The following KDM2B variants were observed in gnomAD, a reference collection of about 807,000 sequenced individuals.
The protein encoded by KDM2B is lysine-specific demethylase 2B.
In KDM2B, 26 loss-of-function variants were observed where a neutral mutation model predicts 150.0. That is an observed-to-expected ratio of 0.17 (90% CI 0.13 to 0.24). KDM2B has a LOEUF of 0.24. Ranked by LOEUF, KDM2B falls within the 10% of genes least tolerant of loss-of-function variation. The probability of loss-of-function intolerance (pLI) is 1.00; values close to 1 mark genes in which losing one functional copy is unlikely to be tolerated. For missense variants in KDM2B, 1,265 were observed against 1,816.9 expected (o/e 0.70, Z 5.52); for synonymous variants, 734 against 729.5 (o/e 1.01, Z -0.10).
the KDM2B span, chr12:121,423,584 T>A: frequency 1.9e-6 from 3 of 1,610,390 alleles, no homozygotes; most frequent in Non-Finnish European, 8.5e-7. This position sits in a 1 kb window ranked among gnomAD's most constrained non-coding sequence, Gnocchi z 4.3. Context: ...TGAAACAGGC[T>A]CCCCTCACCA....
intron 12 of KDM2B, among the ~76,000 whole-genome samples, chr12:121,492,574 C>T (rs1465836287): frequency 6.6e-6 from 1 of 151,896 alleles, no homozygotes; most frequent in Non-Finnish European, 1.5e-5. Context: ...TCTCAAAGTA[C>T]TGGGATTACA....
In KDM2B at chr12:121,503,468, C is replaced by CTTTTG. The variant is rs151275311; in HGVS notation, c.1647+6094_1647+6098dup. Among the ~76,000 whole-genome samples the CTTTTG allele has an allele frequency of 1.6e-4, 24 of 151,784 alleles. No homozygotes were observed. The South Asian group carries it at 2.1e-3, about 13-fold the overall frequency. On this transcript the variant is annotated intron_variant, in intron 11 of 22. Transcript: ENST00000377071. The stretch of plus-strand genomic sequence containing the variant: ...ACTACTCCTGGCTAATTTTTTGTTC[C>CTTTTG]TTTTGTTTTGTTTTGTTTTGTTTTT...
At chr12:121,569,808 T>C (rs1316956472) in intron 4 of KDM2B, among the ~76,000 whole-genome samples, 1 of 151,534 alleles carries the variant, frequency 6.6e-6, no homozygotes, top group Non-Finnish European at 1.5e-5. Flanking sequence ...TGGATGACTG[T>C]TCCTGCTTTC....
rs1877725756 is a variant in KDM2B, at chr12:121,453,684, T to C, written c.1735-340A>G. On this transcript the variant is annotated intron_variant, in intron 12 of 22. Coordinates refer to ENST00000377071, the MANE Select transcript of KDM2B (RefSeq NM_032590.5). The surrounding 1 kb of genome is among the most constrained non-coding windows in gnomAD (Gnocchi z 6.4). ...TCTACAAGCCAAGAAGTGCCAAGGA[T>C]GGCAGCACATACCAGGAGCTGGAGG... Among the ~76,000 whole-genome samples the C allele has an allele frequency of 6.6e-6, 1 of 151,996 alleles. No homozygotes were observed. The highest frequency in any genetic ancestry group is 2.4e-5 in the African/African-American group (1 of 41,368).
chr12:121,530,666 C>A (rs75799957), intron 8 of KDM2B, among the ~76,000 whole-genome samples: 2 of 152,242 alleles, frequency 1.3e-5, no homozygotes, highest in East Asian at 1.9e-4. Context: ...CAGGACCTAA[C>A]TGGACTCCTG....
the KDM2B span, chr12:121,409,741 A>C: frequency 6.6e-6 from 1 of 152,254 alleles, no homozygotes; most frequent in Admixed American, 6.5e-5. Context: ...AACCCTAGGC[A>C]ATTCCTTAGC....
At chr12:121,488,990 AAG>A (rs1409474285) in intron 12 of KDM2B, among the ~76,000 whole-genome samples, 4 of 151,944 alleles carry the variant, frequency 2.6e-5, no homozygotes, top group African/African-American at 7.3e-5. Context: ...TATTTTTTAG[AAG>A]AGAGAGGGTT....
intron 13 of KDM2B, among the ~76,000 whole-genome samples, chr12:121,447,283 C>G (rs1876440002): frequency 1.3e-5 from 2 of 151,796 alleles, no homozygotes; most frequent in Admixed American, 1.3e-4. Flanking sequence ...GAGTCTTGCT[C>G]TGTCACCCAG....
intron 4 of KDM2B, among the ~76,000 whole-genome samples, chr12:121,564,107 C>T (rs1385807654): frequency 6.6e-6 from 1 of 151,630 alleles, no homozygotes; most frequent in African/African-American, 2.4e-5. Flanking sequence ...AGAGCAGAAC[C>T]CCCCACAACA....
At chr12:121,494,474 T>C in intron 12 of KDM2B, 105 bp downstream of exon 12, 1 of 739,804 alleles carries the variant, frequency 1.4e-6, no homozygotes, top group Non-Finnish European at 2.3e-6. Flanking sequence ...GGTGCCTTCA[T>C]CTCAGGAGGC....
chr12:121,539,739 G>T (rs533199875), intron 6 of KDM2B, among the ~76,000 whole-genome samples: 4 of 152,018 alleles, frequency 2.6e-5, no homozygotes, highest in Admixed American at 2.0e-4. Flanking sequence ...TTGTTTGTTT[G>T]TTTGTCTGTT....
intron 12 of KDM2B, among the ~76,000 whole-genome samples, chr12:121,489,809 G>A (rs1294811782): frequency 2.0e-5 from 3 of 152,172 alleles, no homozygotes; most frequent in Non-Finnish European, 4.4e-5. Context: ...CGTCAAGTGC[G>A]GGGGCCAGGA....
chr12:121,412,755 C>T, the KDM2B span, among the ~76,000 whole-genome samples: 4 of 139,906 alleles, frequency 2.9e-5, no homozygotes, highest in Non-Finnish European at 6.1e-5. Context: ...GATGGAGTCT[C>T]GCTGTGTCAC....
intron 6 of KDM2B, among the ~76,000 whole-genome samples, chr12:121,542,396 T>C (rs1888678805): frequency 6.6e-6 from 1 of 152,200 alleles, no homozygotes; most frequent in African/African-American, 2.4e-5. Flanking sequence ...CCACCCCCCT[T>C]GGCCTCCCAA....
In KDM2B at chr12:121,509,915, G is replaced by A; in HGVS notation, c.1299C>T (p.Asp433=). 1.2e-6 allele frequency: 2 copies of A among 1,613,276 alleles called. No individual in the cohort carries two copies. Among genetic ancestry groups the A allele is most frequent in the Non-Finnish European group, 1.7e-6 (2 of 1,179,882 alleles). ...CATCGGTGGGCGGTTTGGGTGCCCT[G>A]TCCCTGCCCTCGCCCTCCTCGTCCT... The part of the protein sequence containing the change: ...EEKDEEGEGR[D]RAPKPPTDGS... Residue 433 remains aspartate, a synonymous_variant, in exon 11 of 23, where the codon GAC becomes GAT. Coordinates refer to ENST00000377071, the MANE Select transcript of KDM2B (RefSeq NM_032590.5).
At chr12:121,581,850 T>C (rs1376414961), upstream of KDM2B, among the ~76,000 whole-genome samples, 3 of 152,140 alleles carry the variant, frequency 2.0e-5, no homozygotes, top group African/African-American at 7.2e-5. Flanking sequence ...CAGCATCGTA[T>C]TGGCCGTCCT....
At chr12:121,571,216 G>A (rs1319476924) in intron 4 of KDM2B, among the ~76,000 whole-genome samples, 1 of 152,170 alleles carries the variant, frequency 6.6e-6, no homozygotes, top group Non-Finnish European at 1.5e-5. Flanking sequence ...GTTTCTTTTG[G>A]GGGTGATAGA....
chr12:121,543,433 T>A (rs1486119612), intron 6 of KDM2B, among the ~76,000 whole-genome samples: 1 of 151,400 alleles, frequency 6.6e-6, no homozygotes, highest in Non-Finnish European at 1.5e-5. Context: ...TTTGTAACTA[T>A]CTGGATCACT....
intron 8 of KDM2B, among the ~76,000 whole-genome samples, chr12:121,522,524 A>C (rs1347743196): frequency 6.8e-6 from 1 of 146,422 alleles, no homozygotes; most frequent in African/African-American, 2.5e-5. Flanking sequence ...CAAAAAAAAA[A>C]AAAAAAGTAT....
Sources: allele counts gnomAD v4.1 joint callset (sites outside exome capture counted in the v4.1 genomes callset), GRCh38; gene constraint gnomAD v4.1.1; non-coding constraint Gnocchi (gnomAD v3.1); transcripts MANE v1.5; gene names NCBI Gene and HGNC (gene_info 2026-07-23, HGNC 2026-07-21).